Variants in KRTAP10-4 observed in about 807,000 individuals in gnomAD.
The protein encoded by KRTAP10-4 is keratin-associated protein 10-4.
For synonymous variants in KRTAP10-4, 147 were observed against 213.7 expected, an observed-to-expected ratio of 0.69 and a Z score of 2.72; for missense variants, 374 against 507.6, an observed-to-expected ratio of 0.74 and a Z score of 2.53.
In KRTAP10-4 at chr21:44,575,059, G is replaced by A. The variant is rs9979422; in HGVS notation, c.*95G>A. 11,582 of 1,544,100 alleles carry A rather than the reference G, an allele frequency of 7.5e-3. 746 individuals are homozygous for A. The African/African-American group carries it at 0.14, about 18-fold the overall frequency. On this transcript the variant is annotated 3_prime_UTR_variant, in exon 1 of 1. Coordinates refer to ENST00000400374, the MANE Select transcript of KRTAP10-4 (RefSeq NM_198687.2). ...CGCCCCCCAGTGCCAGCCAGGCTCA[G>A]GTCCCACCTGAAAGCTGATAGTCGC...
chr21:44,574,923 C>A lies in KRTAP10-4; in HGVS notation c.1165C>A (p.Pro389Thr), dbSNP rs782008403. ...CTGTGCTCCCACCTCCTCCTGCCAA[C>A]CCAGCTGCTGCCGCCCAGCCTCCTG... Reference protein sequence around the residue: ...SCCAPTSSCQPSCCRPASCVS... With the variant: ...SCCAPTSSCQTSCCRPASCVS... Residue 389 changes from proline (P) to threonine (T), a missense_variant, in exon 1 of 1, where the codon CCC becomes ACC. Transcript: ENST00000400374. The A allele has an allele frequency of 6.2e-7, 1 of 1,612,034 alleles. No homozygotes were observed.
chr21:44,575,151 C>T lies in KRTAP10-4; in HGVS notation c.*187C>T. 1 of 933,482 alleles carries T rather than the reference C, an allele frequency of 1.1e-6. No homozygotes were observed. Among genetic ancestry groups the T allele is most frequent in the African/African-American group, 1.7e-5 (1 of 59,908 alleles). The allele number at this position is 933,482 out of a possible 1,614,324, so 57.8% of individuals were successfully genotyped here. A position where few individuals can be genotyped will look rare whatever the true frequency, so the allele number is the denominator to read the frequency against. On this transcript the variant is annotated 3_prime_UTR_variant, in exon 1 of 1. Coordinates refer to ENST00000400374, the MANE Select transcript of KRTAP10-4 (RefSeq NM_198687.2). Reference sequence around the variant, plus strand: ...GCTGTTGAGCTGGACAATGGAAGAACTGAAAGTCTATACTCAATGCTGCAG... The same window carrying T: ...GCTGTTGAGCTGGACAATGGAAGAATTGAAAGTCTATACTCAATGCTGCAG...
rs114829255 is a variant in KRTAP10-4 at position 44,575,186 on chromosome 21, G to T, written c.*222G>T. ...ATACTCAATGCTGCAGCCCTCTTGC[G>T]GGGGGAGGGGGGCGCTTCTAGAAAG... On this transcript the variant is annotated 3_prime_UTR_variant, in exon 1 of 1. Transcript: ENST00000400374. 1.3e-6 allele frequency: 1 copy of T among 746,138 alleles called. No individual in the cohort carries two copies. The highest frequency in any genetic ancestry group is 2.2e-6 in the Non-Finnish European group (1 of 459,652). 46.2% of individuals were successfully genotyped at this position (746,138 alleles called of 1,614,324 possible). A position where few individuals can be genotyped will look rare whatever the true frequency, so the allele number is the denominator to read the frequency against.
At chr21:44,574,583 C>A in the KRTAP10-4 span, 5 of 1,308,698 alleles carry the variant, frequency 3.8e-6, no homozygotes, top group Non-Finnish European at 5.1e-6. Flanking sequence ...TGCCTGTCTG[C>A]TGCAAGCCTG....
rs587598975 is a variant in KRTAP10-4, at chr21:44,574,967, C to G, written c.*3C>G. The G allele has an allele frequency of 4.2e-5, 67 of 1,612,444 alleles. No individual in the cohort carries two copies. The East Asian group carries it at 1.4e-3, about 33-fold the overall frequency. Reference sequence around the variant, plus strand: ...CCTCCTGCGTGTCCCTCCTCTGACGCCCCGTGTGCTCCCGCCCAGCCTGCT... The same window carrying G: ...CCTCCTGCGTGTCCCTCCTCTGACGGCCCGTGTGCTCCCGCCCAGCCTGCT... On this transcript the variant is annotated 3_prime_UTR_variant, in exon 1 of 1. Coordinates refer to ENST00000400374, the MANE Select transcript of KRTAP10-4 (RefSeq NM_198687.2).
At chr21:44,574,727 C>A in the KRTAP10-4 span, 1 of 1,609,152 alleles carries the variant, frequency 6.2e-7, no homozygotes, top group Non-Finnish European at 8.5e-7. Flanking sequence ...CCGTCTGCTG[C>A]AAGCCTGTGA....
chr21:44,573,766 T>C lies in KRTAP10-4; in HGVS notation c.8T>C (p.Val3Ala), dbSNP rs782104614. ...AGCACAGCAGCATCCACCATGTCCG[T>C]CTGCTCCAGCGACCTGAGCTACAGC... Reference protein sequence around the residue: MSVCSSDLSYSSR... With the variant: MSACSSDLSYSSR... Residue 3 changes from valine to alanine, a missense_variant, in exon 1 of 1, where the codon GTC (valine) becomes GCC (alanine). By Grantham distance (64) the Val-to-Ala change is moderately conservative. Transcript: ENST00000400374. 1.2e-6 allele frequency: 2 copies of C among 1,613,550 alleles called. No homozygotes were observed. Among genetic ancestry groups the C allele is most frequent in the East Asian group, 4.5e-5 (2 of 44,872 alleles).
Position 44,574,937 on chromosome 21 carries a change from C to T in KRTAP10-4, c.1179C>T (p.Arg393=). 1 of 1,605,440 alleles carries T rather than the reference C, an allele frequency of 6.2e-7. No individual in the cohort carries two copies. The highest frequency in any genetic ancestry group is 1.1e-5 in the South Asian group (1 of 90,126). ...PTSSCQPSCC[R]PASCVSLL is the part of the protein sequence containing the mutation. ...CCTCCTGCCAACCCAGCTGCTGCCG[C>T]CCAGCCTCCTGCGTGTCCCTCCTCT... The change falls in exon 1 of 1, where the codon CGC becomes CGT. Residue 393 remains arginine (R), a synonymous_variant. Transcript: ENST00000400374.
Position 44,574,827 on chromosome 21 carries a change from C to T in KRTAP10-4, c.1069C>T (p.Pro357Ser), listed in dbSNP as rs1397331443. 1.9e-6 allele frequency: 3 copies of T among 1,613,992 alleles called. No homozygotes were observed. The highest frequency in any genetic ancestry group is 2.2e-5 in the South Asian group (2 of 91,062). Reference sequence around the variant, plus strand: ...TTGCTGCACCACCTCCTGCTGCAGACCCTCCTCCTCCGTGTCCCTCCTCTG... The same window carrying T: ...TTGCTGCACCACCTCCTGCTGCAGATCCTCCTCCTCCGTGTCCCTCCTCTG... ...PACCTTSCCR[P>S]SSSVSLLCRP... Residue 357 changes from proline to serine, a missense_variant, in exon 1 of 1, where the codon CCC becomes TCC. Physicochemically the swap from Pro to Ser is moderately conservative, Grantham distance 74. Coordinates refer to ENST00000400374, the MANE Select transcript of KRTAP10-4 (RefSeq NM_198687.2).
Position 44,574,504 on chromosome 21 carries a change from C to T in KRTAP10-4, c.746C>T (p.Ser249Leu), listed in dbSNP as rs1356413915. 8.7e-6 allele frequency: 14 copies of T among 1,612,796 alleles called. No homozygotes were observed. Among genetic ancestry groups the T allele is most frequent in the Admixed American group, 1.7e-5 (1 of 59,916 alleles). Residue 249 changes from serine (S) to leucine (L), a missense_variant, in exon 1 of 1, where the codon TCA becomes TTA. Transcript: ENST00000400374. Reference sequence around the variant, plus strand: ...CCTGTGTGCTCTGAGGATTCCTCTTCATGCTGCCAGCAGTCTAGCTGCCAG... The same window carrying T: ...CCTGTGTGCTCTGAGGATTCCTCTTTATGCTGCCAGCAGTCTAGCTGCCAG... ...CKPVCSEDSSSCCQQSSCQPA... is the reference protein window; with the variant it reads ...CKPVCSEDSSLCCQQSSCQPA...
At chr21:44,574,527 C>T in the KRTAP10-4 span, 3 of 1,609,790 alleles carry the variant, frequency 1.9e-6, no homozygotes, top group Admixed American at 1.7e-5. Context: ...GTCTAGCTGC[C>T]AGCCGGCTTG....
At position 44,574,525 on chromosome 21, in the gene KRTAP10-4, G is replaced by T. The variant is rs1978315085; in HGVS notation, c.767G>T (p.Cys256Phe). ...DSSSCCQQSS[C>F]QPACCTSSPC... ...TCTTCATGCTGCCAGCAGTCTAGCT[G>T]CCAGCCGGCTTGCTGCACCTCCTCT... The change falls in exon 1 of 1, where the codon TGC becomes TTC. Residue 256 changes from cysteine (C) to phenylalanine (F), a missense_variant. By Grantham distance (205) the Cys-to-Phe change is radical. Transcript: ENST00000400374. 2 of 1,609,670 alleles carry T rather than the reference G, an allele frequency of 1.2e-6. No individual in the cohort carries two copies. Among genetic ancestry groups the T allele is most frequent in the African/African-American group, 2.8e-5 (2 of 72,544 alleles).
Position 44,574,313 on chromosome 21 carries a change from C to T in KRTAP10-4, c.555C>T (p.Pro185=). Residue 185 remains proline, a synonymous_variant, in exon 1 of 1, where the codon CCC becomes CCT. Transcript: ENST00000400374. ...QSSCVSCVSS[P]CCQAVCEPSP... ...GCTGTGTGAGCTGTGTGTCCAGCCCCTGCTGCCAGGCGGTCTGTGAGCCCA... is the reference window on the plus strand; with the variant it reads ...GCTGTGTGAGCTGTGTGTCCAGCCCTTGCTGCCAGGCGGTCTGTGAGCCCA... The T allele has an allele frequency of 6.2e-7, 1 of 1,612,070 alleles. No individual in the cohort carries two copies. The highest frequency in any genetic ancestry group is 2.2e-5 in the East Asian group (1 of 44,742).
At position 44,574,984 on chromosome 21, in the gene KRTAP10-4, C is replaced by G; in HGVS notation, c.*20C>G. 1 of 1,611,280 alleles carries G rather than the reference C, an allele frequency of 6.2e-7. No individual in the cohort carries two copies. The highest frequency in any genetic ancestry group is 8.5e-7 in the Non-Finnish European group (1 of 1,178,548). ...CTCTGACGCCCCGTGTGCTCCCGCCCAGCCTGCTGAGGCCTCCGCTCAGGT... is the reference window on the plus strand; with the variant it reads ...CTCTGACGCCCCGTGTGCTCCCGCCGAGCCTGCTGAGGCCTCCGCTCAGGT... On this transcript the variant is annotated 3_prime_UTR_variant, in exon 1 of 1. Transcript: ENST00000400374.
Position 44,573,951 on chromosome 21 carries a change from A to G in KRTAP10-4, c.193A>G (p.Ser65Gly), listed in dbSNP as rs377135509. 8 of 1,611,918 alleles carry G rather than the reference A, an allele frequency of 5.0e-6. No individual in the cohort carries two copies. In the East Asian group the frequency reaches 1.8e-4, roughly 36 times the overall value. Residue 65 changes from serine to glycine, a missense_variant, in exon 1 of 1, where the codon AGC becomes GGC. By Grantham distance (56) the Ser-to-Gly change is moderately conservative (BLOSUM62 0). Coordinates refer to ENST00000400374, the MANE Select transcript of KRTAP10-4 (RefSeq NM_198687.2). ...CTGCACCCCAGTGAGCCGTGTGTCC[A>G]GCCCCTGCTGCCCAGTGACCTGTGA... Reference protein sequence around the residue: ...LVCTPVSRVSSPCCPVTCEPS... With the variant: ...LVCTPVSRVSGPCCPVTCEPS...
Position 44,575,283 on chromosome 21 carries a change from G to C in KRTAP10-4, c.*319G>C. ...GGTCAGTTCAGCCTTGACCCGTGAG[G>C]TCTCTGTCCTCCTGGCTCAGAGCCG... On this transcript the variant is annotated 3_prime_UTR_variant, in exon 1 of 1. Transcript: ENST00000400374. 1 of 499,646 alleles carries C rather than the reference G, an allele frequency of 2.0e-6. No homozygotes were observed. The allele number at this position is 499,646 out of a possible 1,614,324, so 31.0% of individuals were successfully genotyped here.
Position 44,575,040 on chromosome 21 carries a change from C to G in KRTAP10-4, c.*76C>G, listed in dbSNP as rs782774285. ...GCCCAGCTGCTGATGGACACGCCCC[C>G]CAGTGCCAGCCAGGCTCAGGTCCCA... On this transcript the variant is annotated 3_prime_UTR_variant, in exon 1 of 1. Transcript: ENST00000400374. The G allele has an allele frequency of 2.7e-5, 43 of 1,572,858 alleles. No individual in the cohort carries two copies. The highest frequency in any genetic ancestry group is 3.5e-5 in the Non-Finnish European group (40 of 1,158,250).
Position 44,575,308 on chromosome 21 carries a change from G to T in KRTAP10-4, c.*344G>T. The T allele has an allele frequency of 4.5e-6, 2 of 442,018 alleles. No homozygotes were observed. The highest frequency in any genetic ancestry group is 8.5e-6 in the Non-Finnish European group (2 of 234,810). The allele number at this position is 442,018 out of a possible 1,614,324, so 27.4% of individuals were successfully genotyped here. ...GTCTCTGTCCTCCTGGCTCAGAGCC[G>T]CAGAGCCTTCTTTGGACGCCCTCAA... On this transcript the variant is annotated 3_prime_UTR_variant, in exon 1 of 1. Transcript: ENST00000400374.
rs781965009 is a variant in KRTAP10-4 at position 44,574,931 on chromosome 21, C to T, written c.1173C>T (p.Cys391=). 3 of 1,605,788 alleles carry T rather than the reference C, an allele frequency of 1.9e-6. No individual in the cohort carries two copies. The highest frequency in any genetic ancestry group is 1.7e-6 in the Non-Finnish European group (2 of 1,175,894). Residue 391 remains cysteine (C), a synonymous_variant, in exon 1 of 1, where the codon TGC becomes TGT. Coordinates refer to ENST00000400374, the MANE Select transcript of KRTAP10-4 (RefSeq NM_198687.2). The part of the protein sequence containing the change: ...CAPTSSCQPS[C]CRPASCVSLL ...CCACCTCCTCCTGCCAACCCAGCTG[C>T]TGCCGCCCAGCCTCCTGCGTGTCCC...
Sources: allele counts gnomAD v4.1 joint callset, GRCh38; gene constraint gnomAD v4.1.1; transcripts MANE v1.5; gene names NCBI Gene and HGNC (gene_info 2026-07-23, HGNC 2026-07-21).